Variants in GRAMD1B observed in about 807,000 individuals in gnomAD.
The protein encoded by GRAMD1B is GRAM domain containing 1B, also known as protein Aster-B.
GRAMD1B carries 37 observed loss-of-function variants against 99.7 expected under a neutral mutation model. The ratio of observed to expected loss-of-function variants is 0.37; its 90% confidence interval spans 0.29 to 0.49. The LOEUF is 0.49. Among genes scored for constraint, GRAMD1B ranks in the 20% least tolerant of loss-of-function variants. The probability of loss-of-function intolerance (pLI) is 0.98; values close to 1 mark genes in which losing one functional copy is unlikely to be tolerated. For missense variants in GRAMD1B, 888 were observed against 1,009.2 expected, an observed-to-expected ratio of 0.88 and a Z score of 1.63; for synonymous variants, 427 against 387.6, an observed-to-expected ratio of 1.10 and a Z score of -1.19.
chr11:123,382,140 T>C (rs1946898817), intron 1 of GRAMD1B, among the ~76,000 whole-genome samples: 1 of 151,458 alleles, frequency 6.6e-6, no homozygotes, highest in South Asian at 2.1e-4. Flanking sequence ...GGGAAGGGAG[T>C]TCAAGGAAGC....
chr11:123,402,776 G>A (rs1947712418), intron 1 of GRAMD1B, among the ~76,000 whole-genome samples: 2 of 152,102 alleles, frequency 1.3e-5, no homozygotes, highest in South Asian at 4.2e-4. Context: ...AAGTAAAGGT[G>A]GTTTTAATAC....
chr11:123,600,988 G>A (rs374759714), intron 8 of GRAMD1B, among the ~76,000 whole-genome samples: 10 of 152,212 alleles, frequency 6.6e-5, no homozygotes, highest in East Asian at 5.8e-4. Context: ...CAAGCAGGCC[G>A]AGCAGGTCTA....
chr11:123,503,695 C>T (rs1011392022), intron 2 of GRAMD1B, among the ~76,000 whole-genome samples: 4 of 152,074 alleles, frequency 2.6e-5, no homozygotes, highest in South Asian at 2.1e-4. Context: ...GACAGGCATG[C>T]GCCACCACAC....
intron 2 of GRAMD1B, among the ~76,000 whole-genome samples, chr11:123,522,369 AGTGCAGTGGC>A (rs1420300616): frequency 3.9e-5 from 6 of 152,164 alleles, no homozygotes; most frequent in African/African-American, 1.4e-4. Context: ...CCCAGGCTGG[AGTGCAGTGGC>A]GTGATCTCGA....
chr11:123,454,448 T>C (rs1356844351), intron 1 of GRAMD1B: 1 of 152,114 alleles, frequency 6.6e-6, no homozygotes, highest in African/African-American at 2.4e-5. Context: ...AAGACAGCGG[T>C]TTAGAGAGTG....
At chr11:123,548,307 T>TACACAC (rs1430665474) in intron 2 of GRAMD1B, among the ~76,000 whole-genome samples, 9 of 79,272 alleles carry the variant, frequency 1.1e-4, no homozygotes, top group African/African-American at 6.5e-4. Flanking sequence ...TATATATATA[T>TACACAC]ATATATATAT....
rs192455198 is a variant in GRAMD1B, at chr11:123,499,117, C to A, written c.452+18224C>A. Among the ~76,000 whole-genome samples, 11 of 152,154 alleles carry A rather than the reference C, an allele frequency of 7.2e-5. No homozygotes were observed. The East Asian group carries it at 2.1e-3, about 29-fold the overall frequency. On this transcript the variant is annotated intron_variant, in intron 2 of 19. Coordinates refer to ENST00000635736, the MANE Select transcript of GRAMD1B (RefSeq NM_001387025.1). ...AAAATTTATGTGTTGGAAACTCAAT[C>A]CCCATTGTAACAGTATTAAAAGGCA...
chr11:123,369,123 C>T (rs552288762), intron 1 of GRAMD1B, among the ~76,000 whole-genome samples: 1 of 152,020 alleles, frequency 6.6e-6, no homozygotes, highest in East Asian at 1.9e-4. Flanking sequence ...AGTGAGACCC[C>T]ATATCTACAA....
chr11:123,437,782 A>G (rs139888562), intron 1 of GRAMD1B, among the ~76,000 whole-genome samples: 1 of 152,308 alleles, frequency 6.6e-6, no homozygotes, highest in African/African-American at 2.4e-5. Flanking sequence ...TGGTATATTT[A>G]TCTTGATTCT....
intron 7 of GRAMD1B, chr11:123,598,642 C>A: frequency 7.6e-7 from 1 of 1,310,424 alleles, no homozygotes. Flanking sequence ...CATTTCAGTC[C>A]TAAAGCTAAG....
At chr11:123,511,079 C>CTT in intron 2 of GRAMD1B, among the ~76,000 whole-genome samples, 1 of 152,130 alleles carries the variant, frequency 6.6e-6, no homozygotes, top group East Asian at 1.9e-4. Context: ...TTCACTCTCT[C>CTT]TCTCTCTCTC....
At chr11:123,444,262 C>T (rs1344148602) in intron 1 of GRAMD1B, among the ~76,000 whole-genome samples, 5 of 152,052 alleles carry the variant, frequency 3.3e-5, no homozygotes, top group Non-Finnish European at 5.9e-5. Flanking sequence ...CCTTCTTTAT[C>T]GTAATATTAT....
intron 4 of GRAMD1B, among the ~76,000 whole-genome samples, chr11:123,585,025 C>T (rs1949923736): frequency 6.6e-6 from 1 of 152,242 alleles, no homozygotes; most frequent in Non-Finnish European, 1.5e-5. Flanking sequence ...CTGTCTGAGG[C>T]TCTCAGCTGG....
chr11:123,536,617 GCTACAGTCCTTGC>G (rs887023832), intron 2 of GRAMD1B, among the ~76,000 whole-genome samples: 10 of 152,032 alleles, frequency 6.6e-5, no homozygotes, highest in African/African-American at 2.4e-4. Flanking sequence ...AGAAAACATG[GCTACAGTCCTTGC>G]CTTTCCTGCA....
intron 1 of GRAMD1B, among the ~76,000 whole-genome samples, chr11:123,434,332 C>T (rs566009083): frequency 1.3e-5 from 2 of 151,674 alleles, no homozygotes; most frequent in Admixed American, 6.6e-5. Flanking sequence ...GTGTGACTCA[C>T]ATCTACTCTT....
intron 1 of GRAMD1B, among the ~76,000 whole-genome samples, chr11:123,410,817 C>T (rs929747412): frequency 3.3e-5 from 5 of 152,124 alleles, no homozygotes; most frequent in African/African-American, 4.8e-5. Context: ...CAGGCCCACA[C>T]TCTGCCACTT....
intron 1 of GRAMD1B, among the ~76,000 whole-genome samples, chr11:123,406,461 C>T (rs1021350789): frequency 6.6e-6 from 1 of 152,098 alleles, no homozygotes; most frequent in South Asian, 2.1e-4. Flanking sequence ...ACCATATTGT[C>T]CAGGCTGGTC....
At chr11:123,369,780 G>A (rs1946458423) in intron 1 of GRAMD1B, among the ~76,000 whole-genome samples, 1 of 151,954 alleles carries the variant, frequency 6.6e-6, no homozygotes. Context: ...GTTGAGGTGG[G>A]ATGATCCCTT....
intron 1 of GRAMD1B, among the ~76,000 whole-genome samples, chr11:123,450,001 G>T (rs1265284410): frequency 6.6e-6 from 1 of 152,132 alleles, no homozygotes; most frequent in Non-Finnish European, 1.5e-5. Context: ...GGGATTACAG[G>T]CATGAGTCAC....
Sources: allele counts gnomAD v4.1 joint callset (sites outside exome capture counted in the v4.1 genomes callset), GRCh38; gene constraint gnomAD v4.1.1; transcripts MANE v1.5; gene names NCBI Gene and HGNC (gene_info 2026-07-23, HGNC 2026-07-21).